The following SMIM28 variants were observed in gnomAD, a reference collection of about 807,000 sequenced individuals.
SMIM28 encodes small integral membrane protein 28.
chr6:138,380,191 T>A (rs1262785689), intron 1 of SMIM28, among the ~76,000 whole-genome samples: 5 of 149,230 alleles, frequency 3.4e-5, no homozygotes, highest in Non-Finnish European at 7.4e-5. Flanking sequence ...AGAGAAAGCC[T>A]AGGCCCAGAG....
intron 1 of SMIM28, 99 bp from the exon 2 acceptor site, chr6:138,382,396 CAAAAA>C (rs59155652): frequency 3.1e-3 from 450 of 146,826 alleles, no homozygotes; most frequent in Non-Finnish European, 3.7e-3. Flanking sequence ...GACTGTGTCT[CAAAAA>C]AAAAAAAAAA....
chr6:138,381,872 A>T (rs1774316444), intron 1 of SMIM28, among the ~76,000 whole-genome samples: 1 of 152,250 alleles, frequency 6.6e-6, no homozygotes, highest in Non-Finnish European at 1.5e-5. Context: ...TGAACAGCGG[A>T]CCTACTAACT....
chr6:138,381,511 T>G (rs528845293), intron 1 of SMIM28, among the ~76,000 whole-genome samples: 1 of 152,234 alleles, frequency 6.6e-6, no homozygotes, highest in African/African-American at 2.4e-5. Context: ...ATAATTTCTG[T>G]GAGCTAATAT....
intron 1 of SMIM28, among the ~76,000 whole-genome samples, chr6:138,378,633 G>T (rs1052709827): frequency 3.9e-5 from 6 of 152,126 alleles, no homozygotes; most frequent in Non-Finnish European, 8.8e-5. Flanking sequence ...GACAGCAGGG[G>T]GTTAAAGAGA....
At chr6:138,381,710 T>C (rs1008761446) in intron 1 of SMIM28, among the ~76,000 whole-genome samples, 4 of 152,244 alleles carry the variant, frequency 2.6e-5, no homozygotes, top group Admixed American at 2.0e-4. Context: ...GCATGTAATA[T>C]TTACATGTGC....
chr6:138,378,983 T>A (rs555583677), intron 1 of SMIM28, among the ~76,000 whole-genome samples: 1 of 142,800 alleles, frequency 7.0e-6, no homozygotes, highest in Non-Finnish European at 1.5e-5. Flanking sequence ...CTTTAAAACA[T>A]CCCCGAACAA....
chr6:138,382,842 G>A lies in SMIM28; in HGVS notation c.454G>A (p.Val152Ile), dbSNP rs1774332058. 2 of 398,658 alleles carry A rather than the reference G, an allele frequency of 5.0e-6. No homozygotes were observed. The highest frequency in any genetic ancestry group is 8.8e-6 in the Non-Finnish European group (2 of 226,140). 24.7% of individuals were successfully genotyped at this position (398,658 alleles called of 1,614,324 possible). The stretch of plus-strand genomic sequence containing the variant: ...GGAGGCCCAGGGATGCAGTCCTTCA[G>A]TATGAAAAGGGCTCACCTGGACTGG... ...GEEAQGCSPSV is the reference protein window; with the variant it reads ...GEEAQGCSPSI The change falls in exon 2 of 2, where the codon GTA (valine) becomes ATA (isoleucine). Residue 152 changes from valine to isoleucine, a missense_variant. Val to Ile is a conservative substitution (Grantham distance 29). Coordinates refer to ENST00000573100, the MANE Select transcript of SMIM28 (RefSeq NM_001368163.3).
rs543065206 is a variant in SMIM28 at position 138,382,701 on chromosome 6, G to A, written c.313G>A (p.Gly105Ser). ...AGGAGAGGTGACAGACCTCCTGCCC[G>A]GCCTGGCCTGGAGCAGTGAGGACTT... is the stretch of plus-strand genomic sequence containing the variant. The part of the protein sequence containing the change: ...PAGEVTDLLP[G>S]LAWSSEDFPY... The change falls in exon 2 of 2, where the codon GGC becomes AGC. Residue 105 changes from glycine to serine, a missense_variant. Coordinates refer to ENST00000573100, the MANE Select transcript of SMIM28 (RefSeq NM_001368163.3). The A allele has an allele frequency of 6.3e-5, 25 of 398,616 alleles. No individual in the cohort carries two copies. The South Asian group carries it at 1.0e-3, about 16-fold the overall frequency. The allele number at this position is 398,616 out of a possible 1,614,324, so 24.7% of individuals were successfully genotyped here. A position where few individuals can be genotyped will look rare whatever the true frequency, so the allele number is the denominator to read the frequency against.
chr6:138,382,139 G>A (rs191015139), intron 1 of SMIM28, among the ~76,000 whole-genome samples: 164 of 152,222 alleles, frequency 1.1e-3, no homozygotes, highest in African/African-American at 3.8e-3. Flanking sequence ...GCTCACGCCT[G>A]TAATCCCAGC....
chr6:138,378,754 A>C (rs1774283315), intron 1 of SMIM28, among the ~76,000 whole-genome samples: 1 of 152,170 alleles, frequency 6.6e-6, no homozygotes, highest in Admixed American at 6.5e-5. Flanking sequence ...CAAACCTAAA[A>C]CCTAAGAATT....
rs1190691097 is a variant in SMIM28, at chr6:138,378,054, G to T, written c.-19G>T. On this transcript the variant is annotated 5_prime_UTR_variant, in exon 1 of 2. Coordinates refer to ENST00000573100, the MANE Select transcript of SMIM28 (RefSeq NM_001368163.3). The stretch of plus-strand genomic sequence containing the variant: ...GCAGCAAGGTGGAAGGGTGGCCAGG[G>T]CATCAGCTGGATGAAAACATGCGGG... 5.0e-6 allele frequency: 2 copies of T among 398,734 alleles called. No homozygotes were observed. The highest frequency in any genetic ancestry group is 4.1e-5 in the African/African-American group (2 of 48,642). 24.7% of individuals were successfully genotyped at this position (398,734 alleles called of 1,614,324 possible). A position where few individuals can be genotyped will look rare whatever the true frequency, so the allele number is the denominator to read the frequency against.
chr6:138,382,531 A>T lies in SMIM28; in HGVS notation c.143A>T (p.Asp48Val). The change falls in exon 2 of 2, where the codon GAT (aspartate) becomes GTT (valine). Residue 48 changes from aspartate (D) to valine (V), a missense_variant. Asp to Val is a radical substitution (Grantham distance 152). Coordinates refer to ENST00000573100, the MANE Select transcript of SMIM28 (RefSeq NM_001368163.3). ...GTQGVSSTQE[D>V]VEPFLCILLP... is the part of the protein sequence containing the mutation. ...CAGGGGGTGAGCTCCACCCAGGAGG[A>T]TGTGGAGCCCTTCCTGTGCATCCTT... The T allele has an allele frequency of 2.5e-6, 1 of 397,312 alleles. No homozygotes were observed. Among genetic ancestry groups the T allele is most frequent in the Non-Finnish European group, 4.4e-6 (1 of 226,020 alleles). The allele number at this position is 397,312 out of a possible 1,614,324, so 24.6% of individuals were successfully genotyped here.
chr6:138,381,106 A>C (rs555421237), intron 1 of SMIM28, among the ~76,000 whole-genome samples: 31 of 151,944 alleles, frequency 2.0e-4, no homozygotes, highest in African/African-American at 6.5e-4. Flanking sequence ...GGGTTTTACC[A>C]TGTTGGCCAG....
At chr6:138,381,994 T>C (rs888448617) in intron 1 of SMIM28, among the ~76,000 whole-genome samples, 12 of 152,252 alleles carry the variant, frequency 7.9e-5, no homozygotes, top group African/African-American at 2.9e-4. Flanking sequence ...ATTAATATTA[T>C]TTCATATAGG....
intron 1 of SMIM28, among the ~76,000 whole-genome samples, chr6:138,381,298 T>C (rs1053411318): frequency 2.0e-5 from 3 of 152,206 alleles, no homozygotes; most frequent in African/African-American, 7.2e-5. Flanking sequence ...TTTTCCTCCA[T>C]AGTAGATACT....
At chr6:138,380,909 G>GTTTT (rs563908289) in intron 1 of SMIM28, among the ~76,000 whole-genome samples, 1 of 145,570 alleles carries the variant, frequency 6.9e-6, no homozygotes, top group Non-Finnish European at 1.5e-5. Flanking sequence ...TTTTGTGTGT[G>GTTTT]TTTTTTTTTT....
At chr6:138,379,342 T>C (rs1317907191) in intron 1 of SMIM28, among the ~76,000 whole-genome samples, 1 of 152,212 alleles carries the variant, frequency 6.6e-6, no homozygotes. Flanking sequence ...TATTTCTCCT[T>C]TCTCAAATTT....
chr6:138,378,102 G>C lies in SMIM28; in HGVS notation c.30G>C (p.Lys10Asn). 1 of 398,794 alleles carries C rather than the reference G, an allele frequency of 2.5e-6. No homozygotes were observed. The highest frequency in any genetic ancestry group is 4.4e-6 in the Non-Finnish European group (1 of 226,186). 24.7% of individuals were successfully genotyped at this position (398,794 alleles called of 1,614,324 possible). A position where few individuals can be genotyped will look rare whatever the true frequency, so the allele number is the denominator to read the frequency against. Residue 10 changes from lysine (K) to asparagine (N), a missense_variant, in exon 1 of 2, where the codon AAG (lysine) becomes AAC (asparagine). Physicochemically the swap from Lys to Asn is moderately conservative, Grantham distance 94. Transcript: ENST00000573100. ...GGGGACTGCTGGGCAGCAGCTGGAA[G>C]AAGTTTGGACATGCTGGCCGGGGGA... MRGLLGSSW[K>N]KFGHAGRGTY...
intron 1 of SMIM28, among the ~76,000 whole-genome samples, chr6:138,379,402 G>C (rs954390463): frequency 6.6e-6 from 1 of 152,222 alleles, no homozygotes; most frequent in East Asian, 1.9e-4. Context: ...TAAACAAAGG[G>C]TCTATTACAT....
Sources: allele counts gnomAD v4.1 joint callset (sites outside exome capture counted in the v4.1 genomes callset), GRCh38; gene constraint gnomAD v4.1.1; transcripts MANE v1.5; gene names NCBI Gene and HGNC (gene_info 2026-07-23, HGNC 2026-07-21).